PDE4D: variants seen among roughly 807,000 people sequenced by gnomAD.
The protein encoded by PDE4D is phosphodiesterase 4D.
PDE4D carries 24 observed loss-of-function variants against 87.4 expected under a neutral mutation model. The observed-to-expected ratio is 0.27, with a 90% CI of 0.20 to 0.39. The LOEUF is 0.39. Among genes scored for constraint, PDE4D ranks in the 10% least tolerant of loss-of-function variants. The pLI, the probability that PDE4D is intolerant of heterozygous loss-of-function variation, is 1.00. For missense variants in PDE4D, 714 were observed against 1,041.0 expected (o/e 0.69, Z 4.32); for synonymous variants, 384 against 383.2 (o/e 1.00, Z -0.02).
chr5:59,558,845 T>C (rs975068688), intron 1 of PDE4D: 9 of 152,196 alleles, frequency 5.9e-5, no homozygotes, highest in South Asian at 2.1e-4. Flanking sequence ...TCATACTATA[T>C]GTAAAACATC....
At chr5:59,144,890 TGGG>T (rs398064847) in intron 5 of PDE4D, among the ~76,000 whole-genome samples, 4,698 of 43,902 alleles carry the variant, frequency 0.11, 318 homozygotes, top group African/African-American at 0.19. Flanking sequence ...TAGGGTTTAA[TGGG>T]GGGGGGGGGG....
intron 2 of PDE4D, among the ~76,000 whole-genome samples, chr5:60,123,207 C>T (rs1214414385): frequency 6.6e-6 from 1 of 152,190 alleles, no homozygotes; most frequent in Non-Finnish European, 1.5e-5. Flanking sequence ...CTGTTTCAAC[C>T]TCTGCCTGTT....
intron 1 of PDE4D, among the ~76,000 whole-genome samples, chr5:59,541,304 C>T (rs901921879): frequency 1.2e-4 from 18 of 152,032 alleles, no homozygotes; most frequent in African/African-American, 4.1e-4. Flanking sequence ...TAACATGACA[C>T]CAAAGTTCAT....
intron 1 of PDE4D, among the ~76,000 whole-genome samples, chr5:60,237,468 T>G (rs1353397649): frequency 1.3e-5 from 2 of 151,976 alleles, no homozygotes; most frequent in African/African-American, 4.8e-5. Context: ...GCTTGGAGGA[T>G]CTCAAGGATC....
intron 3 of PDE4D, among the ~76,000 whole-genome samples, chr5:59,922,029 C>G (rs915374952): frequency 2.6e-5 from 4 of 152,034 alleles, no homozygotes; most frequent in Non-Finnish European, 5.9e-5. Flanking sequence ...GAGAGTGAAT[C>G]TTTGTGCTCG....
intron 1 of PDE4D, among the ~76,000 whole-genome samples, chr5:59,572,655 T>C (rs1459484043): frequency 6.6e-6 from 1 of 152,200 alleles, no homozygotes; most frequent in Non-Finnish European, 1.5e-5. Context: ...TAATTTTTTG[T>C]ATTTTTAGTA....
intron 1 of PDE4D, chr5:59,768,255 T>C (rs1470282125): frequency 6.3e-7 from 1 of 1,598,258 alleles, no homozygotes. Context: ...ACCATGTATG[T>C]GCCACCGTGA....
At chr5:60,376,445 G>A (rs1451598007) in intron 1 of PDE4D, among the ~76,000 whole-genome samples, 5 of 152,112 alleles carry the variant, frequency 3.3e-5, no homozygotes, top group East Asian at 1.9e-4. Context: ...CTGTTTAGCC[G>A]GGGTTCCTGT....
chr5:60,494,510 G>C (rs1749707479), intron 1 of PDE4D, among the ~76,000 whole-genome samples: 1 of 152,180 alleles, frequency 6.6e-6, no homozygotes, highest in Non-Finnish European at 1.5e-5. Context: ...CTGGAGGACA[G>C]CCCTCGGAAC....
At chr5:58,978,167 C>T (rs1744252566) in intron 11 of PDE4D, among the ~76,000 whole-genome samples, 1 of 152,168 alleles carries the variant, frequency 6.6e-6, no homozygotes, top group African/African-American at 2.4e-5. Flanking sequence ...ACTGTAAAGA[C>T]TAAAAGCAAA....
intron 11 of PDE4D, among the ~76,000 whole-genome samples, chr5:58,986,685 C>T (rs371557881): frequency 3.9e-5 from 6 of 152,256 alleles, no homozygotes; most frequent in East Asian, 1.9e-4. Flanking sequence ...TCTCTCCCTG[C>T]GCCCCCAGTT....
At chr5:60,499,424 G>A (rs1002718164) in intron 1 of PDE4D, among the ~76,000 whole-genome samples, 4 of 152,174 alleles carry the variant, frequency 2.6e-5, no homozygotes, top group Non-Finnish European at 5.9e-5. Context: ...TCTTCCAAAA[G>A]ACCAAGGGAA....
At chr5:59,905,529 C>T (rs549617599) in intron 3 of PDE4D, among the ~76,000 whole-genome samples, 6 of 152,176 alleles carry the variant, frequency 3.9e-5, no homozygotes, top group African/African-American at 9.6e-5. Context: ...ACAGCCAGAA[C>T]GCCCTGAGTT....
At chr5:59,509,343 G>T (rs1424642176) in intron 1 of PDE4D, among the ~76,000 whole-genome samples, 4 of 150,416 alleles carry the variant, frequency 2.7e-5, no homozygotes, top group Non-Finnish European at 4.4e-5. Context: ...AACCACACAT[G>T]AAGAGAATTC....
At chr5:60,319,869 C>T (rs1367608244) in intron 1 of PDE4D, among the ~76,000 whole-genome samples, 2 of 152,184 alleles carry the variant, frequency 1.3e-5, no homozygotes, top group Non-Finnish European at 2.9e-5. Flanking sequence ...AGTACCCAGC[C>T]GTGTGAGGTG....
chr5:59,335,602 G>A (rs1290517014), intron 1 of PDE4D, among the ~76,000 whole-genome samples: 1 of 152,168 alleles, frequency 6.6e-6, no homozygotes. Flanking sequence ...AAAGAATGAT[G>A]AAGACTTTTT....
chr5:59,609,826 G>A (rs566030342), intron 1 of PDE4D, among the ~76,000 whole-genome samples: 46 of 152,270 alleles, frequency 3.0e-4, no homozygotes, highest in Admixed American at 1.3e-3. Context: ...CCTGAAAGGT[G>A]TAGTGGTTCT....
At chr5:59,968,994 C>A (rs1168730588) in intron 3 of PDE4D, among the ~76,000 whole-genome samples, 2 of 130,836 alleles carry the variant, frequency 1.5e-5, no homozygotes, top group African/African-American at 5.5e-5. Context: ...AAAAGGCACC[C>A]CCCCCCCGAA....
At chr5:60,068,049 T>C (rs1334792559) in intron 2 of PDE4D, among the ~76,000 whole-genome samples, 1 of 152,210 alleles carries the variant, frequency 6.6e-6, no homozygotes, top group Non-Finnish European at 1.5e-5. Context: ...TAATACATCT[T>C]TGAGATCCTG....
Sources: allele counts gnomAD v4.1 joint callset (sites outside exome capture counted in the v4.1 genomes callset), GRCh38; gene constraint gnomAD v4.1.1; transcripts MANE v1.5; gene names NCBI Gene and HGNC (gene_info 2026-07-23, HGNC 2026-07-21).